The following MACROD2 variants were observed in gnomAD, a reference collection of about 807,000 sequenced individuals.
MACROD2 encodes the protein ADP-ribose glycohydrolase MACROD2.
Under a neutral mutation model 70.4 loss-of-function variants are expected in MACROD2, and 36 were observed. The observed-to-expected ratio is 0.51, with a 90% CI of 0.39 to 0.68. The LOEUF (loss-of-function observed/expected upper bound fraction) is 0.68, where lower values mean the gene tolerates loss of function less well. Among genes scored for constraint, MACROD2 ranks in the 30% least tolerant of loss-of-function variants. MACROD2 has a pLI of 0.00. For synonymous variants in MACROD2, 172 were observed against 178.8 expected, an observed-to-expected ratio of 0.96 and a Z score of 0.30; for missense variants, 496 against 538.4, an observed-to-expected ratio of 0.92 and a Z score of 0.78.
At chr20:14,023,794 T>G (rs1378008634) in intron 2 of MACROD2, among the ~76,000 whole-genome samples, 1 of 152,212 alleles carries the variant, frequency 6.6e-6, no homozygotes, top group East Asian at 1.9e-4. Flanking sequence ...GCTGTTTTGG[T>G]TACTGTAGCC....
intron 5 of MACROD2, among the ~76,000 whole-genome samples, chr20:14,818,940 G>A (rs756082464): frequency 3.5e-5 from 5 of 143,148 alleles, no homozygotes; most frequent in Admixed American, 7.5e-5. Context: ...TAACAAAACC[G>A]AAGTTCAGAG....
chr20:14,002,780 G>A (rs1225478841), intron 2 of MACROD2, among the ~76,000 whole-genome samples: 2 of 151,772 alleles, frequency 1.3e-5, no homozygotes, highest in Non-Finnish European at 2.9e-5. Context: ...TTAGGATTGG[G>A]GATACAGCTG....
At chr20:14,677,290 T>A (rs1291381811) in intron 4 of MACROD2, among the ~76,000 whole-genome samples, 1 of 152,178 alleles carries the variant, frequency 6.6e-6, no homozygotes, top group Admixed American at 6.5e-5. Context: ...TAATAACATC[T>A]TCAAACTCTA....
intron 5 of MACROD2, among the ~76,000 whole-genome samples, chr20:15,136,530 TCCCTTCTTTAC>T (rs1568594286): frequency 6.6e-6 from 1 of 152,158 alleles, no homozygotes; most frequent in Non-Finnish European, 1.5e-5. Flanking sequence ...TGAAACTGGA[TCCCTTCTTTAC>T]ACCTTTTACA....
At chr20:14,530,021 AGAATG>A (rs909315880) in intron 4 of MACROD2, among the ~76,000 whole-genome samples, 4 of 152,178 alleles carry the variant, frequency 2.6e-5, no homozygotes, top group African/African-American at 9.7e-5. Flanking sequence ...TATAGGGAAG[AGAATG>A]GATTATCACT....
chr20:15,112,603 A>C (rs950840724), intron 5 of MACROD2, among the ~76,000 whole-genome samples: 1 of 152,186 alleles, frequency 6.6e-6, no homozygotes, highest in East Asian at 1.9e-4. Context: ...TTTGATATCA[A>C]GCCCTGTGAT....
intron 3 of MACROD2, among the ~76,000 whole-genome samples, chr20:14,465,096 C>T (rs2123028797): frequency 6.6e-6 from 1 of 152,100 alleles, no homozygotes; most frequent in East Asian, 1.9e-4. Flanking sequence ...TCCTTGTTAA[C>T]TTTCTGTCTC....
At chr20:15,673,937 A>G (rs762698897) in intron 8 of MACROD2, among the ~76,000 whole-genome samples, 1 of 152,168 alleles carries the variant, frequency 6.6e-6, no homozygotes, top group Non-Finnish European at 1.5e-5. Flanking sequence ...GGATTTTTAA[A>G]TTGTATTAAT....
chr20:15,390,188 C>T (rs2045773471), intron 6 of MACROD2, among the ~76,000 whole-genome samples: 1 of 152,124 alleles, frequency 6.6e-6, no homozygotes, highest in East Asian at 1.9e-4. Context: ...CACCGACAGT[C>T]CCTGTCACTC....
chr20:14,560,311 A>C (rs1979341636), intron 4 of MACROD2, among the ~76,000 whole-genome samples: 3 of 135,394 alleles, frequency 2.2e-5, no homozygotes, highest in African/African-American at 9.0e-5. Flanking sequence ...CTTAATGTAC[A>C]CACACACACA....
Position 15,986,970 on chromosome 20 carries a change from A to G in MACROD2, c.1061-96A>G, listed in dbSNP as rs980732438. The G allele has an allele frequency of 6.4e-6, 8 of 1,245,058 alleles. No individual in the cohort carries two copies. The East Asian group carries it at 7.0e-5, about 11-fold the overall frequency. 77.1% of individuals were successfully genotyped at this position (1,245,058 alleles called of 1,614,324 possible). Reference sequence around the variant, plus strand: ...GTACCTATTGAAACTTGAAGGGGGAAAAAAGAACTCTAACTTTCTATACCA... The same window carrying G: ...GTACCTATTGAAACTTGAAGGGGGAGAAAAGAACTCTAACTTTCTATACCA... On this transcript the variant is annotated intron_variant, in intron 14 of 17. Transcript: ENST00000684519.
intron 8 of MACROD2, among the ~76,000 whole-genome samples, chr20:15,724,662 A>G (rs2050835445): frequency 6.6e-6 from 1 of 152,188 alleles, no homozygotes; most frequent in Non-Finnish European, 1.5e-5. Context: ...TTTTTCACCA[A>G]TAACATACTG....
intron 7 of MACROD2, among the ~76,000 whole-genome samples, chr20:15,466,862 T>C (rs2046897994): frequency 6.6e-6 from 1 of 152,206 alleles, no homozygotes; most frequent in Non-Finnish European, 1.5e-5. Context: ...CCCTAGAGCC[T>C]ATAAAAATTG....
In MACROD2 at chr20:14,920,529, C is replaced by T. The variant is rs190793595; in HGVS notation, c.418+235570C>T. On this transcript the variant is annotated intron_variant, in intron 5 of 17. Coordinates refer to ENST00000684519, the MANE Select transcript of MACROD2 (RefSeq NM_001351661.2). ...GTTTGAAGTGTGATTTCTTTGCGCT[C>T]TCATTTAATTTTTTCTTCTTTTTAG... 5.8e-4 allele frequency among the ~76,000 whole-genome samples: 89 copies of T among 152,186 alleles called. 1 individual carries two copies. The East Asian group carries it at 9.7e-3, about 17-fold the overall frequency.
intron 8 of MACROD2, among the ~76,000 whole-genome samples, chr20:15,635,616 G>A (rs904880373): frequency 1.7e-4 from 26 of 151,952 alleles, no homozygotes; most frequent in Admixed American, 1.2e-3. Flanking sequence ...GGGGAGCGAG[G>A]GTTAAAAAAC....
At chr20:14,338,061 C>T (rs1458340364) in intron 3 of MACROD2, among the ~76,000 whole-genome samples, 2 of 152,076 alleles carry the variant, frequency 1.3e-5, no homozygotes, top group African/African-American at 4.8e-5. Flanking sequence ...GCCAGTAATC[C>T]CAACTGTGAA....
At chr20:14,112,734 A>AT (rs1458123508) in intron 3 of MACROD2, among the ~76,000 whole-genome samples, 1 of 151,868 alleles carries the variant, frequency 6.6e-6, no homozygotes, top group Non-Finnish European at 1.5e-5. Flanking sequence ...ACATTTGGCC[A>AT]TTTTTTGACT....
chr20:14,722,071 T>C (rs1177075020), intron 5 of MACROD2, among the ~76,000 whole-genome samples: 2 of 152,222 alleles, frequency 1.3e-5, no homozygotes, highest in Non-Finnish European at 2.9e-5. Context: ...TTCAGTGGCA[T>C]AGACACTTAT....
chr20:15,807,297 C>G (rs1300515339), intron 8 of MACROD2, among the ~76,000 whole-genome samples: 1 of 152,014 alleles, frequency 6.6e-6, no homozygotes, highest in Non-Finnish European at 1.5e-5. Context: ...ACATGGCCTT[C>G]GTTAGGCTAT....
Sources: allele counts gnomAD v4.1 joint callset (sites outside exome capture counted in the v4.1 genomes callset), GRCh38; gene constraint gnomAD v4.1.1; transcripts MANE v1.5; gene names NCBI Gene and HGNC (gene_info 2026-07-23, HGNC 2026-07-21).